The following CSMD2 variants were observed in gnomAD, a reference collection of about 807,000 sequenced individuals.
CSMD2 encodes CUB and sushi domain-containing protein 2.
A neutral mutation model predicts 398.5 loss-of-function variants in CSMD2; 130 were observed. The observed-to-expected ratio is 0.33, with a 90% CI of 0.28 to 0.38. The LOEUF (loss-of-function observed/expected upper bound fraction) is 0.38, where lower values mean the gene tolerates loss of function less well. Ranked by LOEUF, CSMD2 falls within the 10% of genes least tolerant of loss-of-function variation. CSMD2 has a pLI of 1.00. For missense variants in CSMD2, 3,829 were observed against 4,764.9 expected (o/e 0.80, Z 5.78); for synonymous variants, 1,828 against 1,908.5 (o/e 0.96, Z 1.10).
chr1:33,584,673 AT>A (rs1416211599), intron 46 of CSMD2, among the ~76,000 whole-genome samples: 2 of 130,422 alleles, frequency 1.5e-5, no homozygotes, highest in Middle Eastern at 4.2e-3. Flanking sequence ...CTCAAAAAAA[AT>A]ATATCTATAT....
chr1:34,015,741 T>A (rs1647994225), intron 3 of CSMD2, among the ~76,000 whole-genome samples: 1 of 152,192 alleles, frequency 6.6e-6, no homozygotes, highest in South Asian at 2.1e-4. Flanking sequence ...GTCAATGGAA[T>A]GAGTGGATAA....
At chr1:33,546,475 C>T (rs191930332) in intron 56 of CSMD2, among the ~76,000 whole-genome samples, 7 of 152,292 alleles carry the variant, frequency 4.6e-5, no homozygotes, top group African/African-American at 1.2e-4. Flanking sequence ...CTCTGTGGCC[C>T]GTGCCAGTCT....
intron 5 of CSMD2, among the ~76,000 whole-genome samples, chr1:33,866,975 C>G (rs1640085763): frequency 6.6e-6 from 1 of 152,182 alleles, no homozygotes. Context: ...CGGATATACT[C>G]TAGGGTGGCT....
intron 3 of CSMD2, among the ~76,000 whole-genome samples, chr1:34,015,457 G>A (rs551878554): frequency 1.3e-5 from 2 of 152,322 alleles, no homozygotes; most frequent in Non-Finnish European, 2.9e-5. Context: ...GTGGGTGGGA[G>A]ACTAGCTAGG....
At chr1:33,591,032 A>G (rs1183544719) in intron 44 of CSMD2, among the ~76,000 whole-genome samples, 1 of 112,756 alleles carries the variant, frequency 8.9e-6, no homozygotes, top group African/African-American at 3.5e-5. Flanking sequence ...CTTGTTGCCC[A>G]GGCTGGATCA....
chr1:33,820,132 A>T (rs1412018663), intron 8 of CSMD2, among the ~76,000 whole-genome samples: 1 of 152,154 alleles, frequency 6.6e-6, no homozygotes, highest in East Asian at 1.9e-4. Context: ...GATGATACCC[A>T]TAAACTTTAA....
intron 1 of CSMD2, among the ~76,000 whole-genome samples, chr1:34,108,591 C>T (rs1432179664): frequency 1.3e-5 from 2 of 152,168 alleles, no homozygotes; most frequent in African/African-American, 4.8e-5. Flanking sequence ...TGTCCAACCT[C>T]TCCCATAATT....
intron 10 of CSMD2, among the ~76,000 whole-genome samples, chr1:33,809,037 T>C (rs1656556559): frequency 6.6e-6 from 1 of 150,652 alleles, no homozygotes; most frequent in African/African-American, 2.4e-5. Flanking sequence ...AAGTCTATAG[T>C]CTAAAATCTT....
chr1:33,664,631 G>A (rs936207969), intron 25 of CSMD2, among the ~76,000 whole-genome samples: 3 of 152,022 alleles, frequency 2.0e-5, no homozygotes, highest in East Asian at 3.9e-4. Context: ...GTGAAACCCC[G>A]TCTTTACTAA....
chr1:33,773,250 C>G (rs1389376979), intron 12 of CSMD2, among the ~76,000 whole-genome samples: 1 of 152,198 alleles, frequency 6.6e-6, no homozygotes, highest in African/African-American at 2.4e-5. Flanking sequence ...CAAGATGACA[C>G]AGCAGTTGAG....
At chr1:33,904,713 G>A (rs1642978052) in intron 5 of CSMD2, among the ~76,000 whole-genome samples, 2 of 150,420 alleles carry the variant, frequency 1.3e-5, no homozygotes, top group South Asian at 4.3e-4. Context: ...CGCCCAGGCT[G>A]GAGTGCAGTG....
At chr1:34,083,116 T>C (rs1571050778) in intron 2 of CSMD2, among the ~76,000 whole-genome samples, 2 of 147,052 alleles carry the variant, frequency 1.4e-5, no homozygotes, top group Admixed American at 6.8e-5. Context: ...GAAGCAGAGA[T>C]AGAAAACATA....
chr1:33,524,986 C>T lies in CSMD2; in HGVS notation c.10292G>A (p.Gly3431Glu), dbSNP rs148333754. The T allele has an allele frequency of 2.7e-4, 434 of 1,614,064 alleles. No individual in the cohort carries two copies. Among genetic ancestry groups the T allele is most frequent in the Non-Finnish European group, 3.3e-4 (387 of 1,180,022 alleles). The change falls in exon 66 of 71, where the codon GGG becomes GAG. Residue 3431 changes from glycine (G) to glutamate (E), a missense_variant. Physicochemically the swap from Gly to Glu is moderately conservative, Grantham distance 98. Around this residue, in one of 5 missense-constraint regions of CSMD2, gnomAD observed 917 missense variants for 1,199.5 expected, o/e 0.76. Coordinates refer to ENST00000373381, the MANE Select transcript of CSMD2 (RefSeq NM_001281956.2). ...SLWKGAYEYQ[G>E]KKQPAMLRVT... ...TCTGAGCATGGCTGGCTGCTTCTTC[C>T]CCTGGTATTCATAGGCCCCTTTCCA...
chr1:33,766,233 T>C (rs1650478603), intron 13 of CSMD2, among the ~76,000 whole-genome samples: 1 of 152,136 alleles, frequency 6.6e-6, no homozygotes, highest in Non-Finnish European at 1.5e-5. Context: ...CTACGGAACA[T>C]GTCCCTTTTG....
chr1:33,910,051 T>A (rs1318267045), intron 5 of CSMD2, among the ~76,000 whole-genome samples: 2 of 152,210 alleles, frequency 1.3e-5, no homozygotes, highest in African/African-American at 4.8e-5. Context: ...TACCCCTTCA[T>A]AGCTGCCTCA....
intron 49 of CSMD2, among the ~76,000 whole-genome samples, chr1:33,575,765 G>A (rs1295136066): frequency 6.6e-6 from 1 of 152,216 alleles, no homozygotes; most frequent in Non-Finnish European, 1.5e-5. Flanking sequence ...TTTGTGGACA[G>A]CCAGTTCACT....
In CSMD2 at chr1:34,163,057, G is replaced by T. The variant is rs1203520622; in HGVS notation, c.187+1854C>A. 6.6e-6 allele frequency among the ~76,000 whole-genome samples: 1 copy of T among 152,214 alleles called. No individual in the cohort carries two copies. Among genetic ancestry groups the T allele is most frequent in the African/African-American group, 2.4e-5 (1 of 41,470 alleles). On this transcript the variant is annotated intron_variant, in intron 1 of 70. Transcript: ENST00000373381. This position sits in a 1 kb window ranked among gnomAD's most constrained non-coding sequence, Gnocchi z 5.4. Reference sequence around the variant, plus strand: ...ATTCCAGCACCGCTGAGCGGTGCAAGCGCCGGTGAGTCGGCCTTTTTCTCT... The same window carrying T: ...ATTCCAGCACCGCTGAGCGGTGCAATCGCCGGTGAGTCGGCCTTTTTCTCT...
chr1:33,600,851 G>A lies in CSMD2; in HGVS notation c.6856+14C>T. 6.2e-7 allele frequency: 1 copy of A among 1,614,000 alleles called. No homozygotes were observed. Among genetic ancestry groups the A allele is most frequent in the Non-Finnish European group, 8.5e-7 (1 of 1,179,912 alleles). ...AGCCTGGCCCTTCCCACCAGGCCAG[G>A]CTTCCATACTGACCGGAGAAAGCTA... On this transcript the variant is annotated intron_variant, in intron 44 of 70. Coordinates refer to ENST00000373381, the MANE Select transcript of CSMD2 (RefSeq NM_001281956.2).
rs112605184 is a variant in CSMD2 at position 33,829,748 on chromosome 1, T to A, written c.1034-3974A>T. On this transcript the variant is annotated intron_variant, in intron 6 of 70. Transcript: ENST00000373381. Reference sequence around the variant, plus strand: ...GTGCAAGGGATCAGGGAGTTCCCTTTCATGGTCAAGGAAAGGGGTGACAGA... The same window carrying A: ...GTGCAAGGGATCAGGGAGTTCCCTTACATGGTCAAGGAAAGGGGTGACAGA... Among the ~76,000 whole-genome samples the A allele has an allele frequency of 4.6e-5, 7 of 152,274 alleles. 1 individual carries two copies. The highest frequency in any genetic ancestry group is 1.7e-4 in the African/African-American group (7 of 41,558).
Sources: allele counts gnomAD v4.1 joint callset (sites outside exome capture counted in the v4.1 genomes callset), GRCh38; gene constraint gnomAD v4.1.1; regional missense constraint gnomAD v4.1.1; non-coding constraint Gnocchi (gnomAD v3.1); transcripts MANE v1.5; gene names NCBI Gene and HGNC (gene_info 2026-07-23, HGNC 2026-07-21).